TNN: variants seen among roughly 807,000 people sequenced by gnomAD.
TNN encodes the protein tenascin-N.
TNN carries 122 observed loss-of-function variants against 134.4 expected under a neutral mutation model. That is an observed-to-expected ratio of 0.91 (90% CI 0.78 to 1.06). The LOEUF (loss-of-function observed/expected upper bound fraction) is 1.06. Among genes scored for constraint, TNN ranks in the 50% least tolerant of loss-of-function variants. The pLI, the probability that TNN is intolerant of heterozygous loss-of-function variation, is 0.00. For missense variants in TNN, 1,739 were observed against 1,699.4 expected, an observed-to-expected ratio of 1.02 and a Z score of -0.41; for synonymous variants, 710 against 670.3, an observed-to-expected ratio of 1.06 and a Z score of -0.91.
Position 175,107,021 on chromosome 1 carries a change from T to C in TNN, c.2119+8426T>C, listed in dbSNP as rs532283461. 2.7e-4 allele frequency among the ~76,000 whole-genome samples: 39 copies of C among 146,226 alleles called. 5 individuals are homozygous for C. The highest frequency in any genetic ancestry group is 8.1e-4 in the African/African-American group (33 of 40,678). The stretch of plus-strand genomic sequence containing the variant: ...GTGAAAGGGGTCCGATGGTACTCAC[T>C]GCTTGGCGATTGGGAAAGGTCTCAC... On this transcript the variant is annotated intron_variant, in intron 9 of 18. Transcript: ENST00000239462.
chr1:175,072,368 C>T (rs1306555636), intron 1 of TNN, among the ~76,000 whole-genome samples: 1 of 152,214 alleles, frequency 6.6e-6, no homozygotes, highest in African/African-American at 2.4e-5. Flanking sequence ...ACATTTCCTG[C>T]ATGTAAATGC....
At chr1:175,140,142 C>T (rs1399437560) in intron 17 of TNN, among the ~76,000 whole-genome samples, 1 of 152,230 alleles carries the variant, frequency 6.6e-6, no homozygotes. Context: ...CCAGGTTCTT[C>T]CAACCCTTTG....
At chr1:175,120,502 G>T (rs531298739) in intron 11 of TNN, among the ~76,000 whole-genome samples, 1 of 152,172 alleles carries the variant, frequency 6.6e-6, no homozygotes, top group Non-Finnish European at 1.5e-5. Flanking sequence ...GGAGACCCAG[G>T]CTTCTTCTGT....
At position 175,123,728 on chromosome 1, in the gene TNN, GTGGGC is replaced by G. The variant is rs1675442866; in HGVS notation, c.2914+70_2914+74del. The G allele has an allele frequency of 3.1e-6, 5 of 1,595,670 alleles. No individual in the cohort carries two copies. In the African/African-American group the frequency reaches 6.8e-5, roughly 22 times the overall value. On this transcript the variant is annotated intron_variant, in intron 12 of 18. Coordinates refer to ENST00000239462, the MANE Select transcript of TNN (RefSeq NM_022093.2). Reference sequence around the variant, plus strand: ...ATCAGGAGAGAACCTTCCTCCATCAGTGGGCTGGGGAGGGGAGCAGGAGGGTGGTT... The same window carrying G: ...ATCAGGAGAGAACCTTCCTCCATCAGTGGGGAGGGGAGCAGGAGGGTGGTT...
At chr1:175,135,987 C>A in intron 16 of TNN, 46 bp downstream of exon 16, 2 of 1,408,960 alleles carry the variant, frequency 1.4e-6, no homozygotes, top group Non-Finnish European at 2.0e-6. Context: ...GGGGTGATTT[C>A]TCCCAGGACA....
chr1:175,131,779 C>T (rs1009936041), intron 15 of TNN, among the ~76,000 whole-genome samples: 1 of 152,098 alleles, frequency 6.6e-6, no homozygotes, highest in Non-Finnish European at 1.5e-5. Context: ...CTTAATCTAA[C>T]AGTTTAGAAA....
intron 7 of TNN, among the ~76,000 whole-genome samples, chr1:175,096,854 C>T (rs978371384): frequency 6.6e-6 from 1 of 152,166 alleles, no homozygotes; most frequent in Non-Finnish European, 1.5e-5. Flanking sequence ...TTCTAACCCA[C>T]TTTAATCACA....
chr1:175,108,725 G>A (rs561384449), intron 9 of TNN, among the ~76,000 whole-genome samples: 1 of 152,078 alleles, frequency 6.6e-6, no homozygotes, highest in African/African-American at 2.4e-5. Flanking sequence ...ACTGCCCGGG[G>A]CCAGCAGGGC....
chr1:175,136,081 G>A, intron 16 of TNN, 140 bp downstream of exon 16: 1 of 634,564 alleles, frequency 1.6e-6, no homozygotes, highest in Non-Finnish European at 2.9e-6. Flanking sequence ...GCCGAGCAGG[G>A]TGTTGGTGGG....
intron 13 of TNN, 21 bp from the exon 14 acceptor site, chr1:175,128,011 A>T (rs1433038526): frequency 6.2e-7 from 1 of 1,614,022 alleles, no homozygotes; most frequent in Admixed American, 1.7e-5. Context: ...CTGGCTGTCT[A>T]ATCTCTCCCT....
At chr1:175,118,156 A>T (rs1428187229) in intron 10 of TNN, among the ~76,000 whole-genome samples, 1 of 152,188 alleles carries the variant, frequency 6.6e-6, no homozygotes, top group African/African-American at 2.4e-5. Flanking sequence ...ATGAAATGGG[A>T]GGTCTTTACT....
chr1:175,084,792 G>T (rs951857139), intron 5 of TNN, among the ~76,000 whole-genome samples: 18 of 152,240 alleles, frequency 1.2e-4, no homozygotes, highest in African/African-American at 4.1e-4. Flanking sequence ...TTGTGCCCAA[G>T]GAAAAATAAT....
At chr1:175,137,020 C>G (rs1228325386) in intron 17 of TNN, 32 bp downstream of exon 17, 2 of 1,608,260 alleles carry the variant, frequency 1.2e-6, no homozygotes, top group East Asian at 4.5e-5. Flanking sequence ...CTGCGAAGGT[C>G]TCTTGCTGTC....
At chr1:175,068,743 C>G (rs1673852544) in intron 1 of TNN, among the ~76,000 whole-genome samples, 2 of 152,138 alleles carry the variant, frequency 1.3e-5, no homozygotes, top group South Asian at 4.2e-4. Context: ...TCCGTCTCTA[C>G]TAAAAATACA....
intron 1 of TNN, among the ~76,000 whole-genome samples, chr1:175,073,418 C>G (rs1345514901): frequency 3.3e-5 from 5 of 152,168 alleles, no homozygotes. Flanking sequence ...CCCACTCCCC[C>G]CATCTTCTGA....
At position 175,067,928 on chromosome 1, in the gene TNN, C is replaced by T. The variant is rs769803279; in HGVS notation, c.-43C>T. 3 of 480,830 alleles carry T rather than the reference C, an allele frequency of 6.2e-6. No individual in the cohort carries two copies. In the East Asian group the frequency reaches 1.9e-4, roughly 30 times the overall value. 29.8% of individuals were successfully genotyped at this position (480,830 alleles called of 1,614,324 possible). On this transcript the variant is annotated 5_prime_UTR_variant, in exon 1 of 19. Coordinates refer to ENST00000239462, the MANE Select transcript of TNN (RefSeq NM_022093.2). ...CAGCATTGGAAGAGGCACCCAGCAG[C>T]CTCCCAGGTAAGAGTGCCAGTTGCC... is the stretch of plus-strand genomic sequence containing the variant.
chr1:175,102,760 G>A (rs1574154555), intron 9 of TNN, among the ~76,000 whole-genome samples: 1 of 146,328 alleles, frequency 6.8e-6, no homozygotes, highest in Admixed American at 6.8e-5. Flanking sequence ...CAGTGTAGTG[G>A]TGGACTGAAG....
chr1:175,111,201 C>G (rs1255643656), intron 9 of TNN, among the ~76,000 whole-genome samples: 2 of 152,046 alleles, frequency 1.3e-5, no homozygotes, highest in African/African-American at 4.8e-5. Context: ...GCCTGTAATC[C>G]CAGTTACTTG....
At chr1:175,132,913 G>A (rs1156598270) in intron 15 of TNN, among the ~76,000 whole-genome samples, 1 of 152,218 alleles carries the variant, frequency 6.6e-6, no homozygotes, top group Non-Finnish European at 1.5e-5. Context: ...AAAATATAAA[G>A]AAGGCACAAA....
Sources: gnomAD v4.1 joint callset for allele counts (sites outside exome capture counted in the v4.1 genomes callset) on GRCh38, gnomAD v4.1.1 for gene constraint, MANE v1.5 for transcripts, NCBI Gene and HGNC (gene_info 2026-07-23, HGNC 2026-07-21) for gene names.